The following PCDH15 variants were observed in gnomAD, a reference collection of about 807,000 sequenced individuals.
PCDH15 encodes protocadherin related 15, also known as protocadherin-15.
Under a neutral mutation model 178.5 loss-of-function variants are expected in PCDH15, and 129 were observed. That is an observed-to-expected ratio of 0.72 (90% confidence interval 0.63 to 0.84). The LOEUF is 0.84. Ranked by LOEUF, PCDH15 falls within the 40% of genes least tolerant of loss-of-function variation. The probability of loss-of-function intolerance (pLI) is 0.00; values close to 1 mark genes in which losing one functional copy is unlikely to be tolerated. For synonymous variants in PCDH15, 800 were observed against 732.0 expected, an observed-to-expected ratio of 1.09 and a Z score of -1.50; for missense variants, 2,230 against 2,099.9, an observed-to-expected ratio of 1.06 and a Z score of -1.21.
intron 1 of PCDH15, among the ~76,000 whole-genome samples, chr10:54,702,650 G>A (rs2095322092): frequency 6.6e-6 from 1 of 150,624 alleles, no homozygotes; most frequent in Non-Finnish European, 1.5e-5. Flanking sequence ...TTGCAAGATT[G>A]AACTAGGAAG....
chr10:54,246,571 TGTTA>T (rs2055949219), intron 8 of PCDH15, among the ~76,000 whole-genome samples: 1 of 151,934 alleles, frequency 6.6e-6, no homozygotes, highest in South Asian at 2.1e-4. Context: ...ATATTTTATA[TGTTA>T]GTTTTTTTTC....
At chr10:54,643,500 G>A (rs962341874) in intron 2 of PCDH15, among the ~76,000 whole-genome samples, 1 of 152,068 alleles carries the variant, frequency 6.6e-6, no homozygotes, top group Middle Eastern at 3.2e-3. Context: ...TATACATATA[G>A]TACTGTGAAA....
chr10:55,225,176 T>G (rs957823778), intron 1 of PCDH15, among the ~76,000 whole-genome samples: 2 of 152,042 alleles, frequency 1.3e-5, no homozygotes, highest in African/African-American at 4.8e-5. Flanking sequence ...GAAATAACAC[T>G]TAGTAACAAA....
At chr10:54,043,193 T>C (rs2093586232) in intron 18 of PCDH15, among the ~76,000 whole-genome samples, 2 of 152,086 alleles carry the variant, frequency 1.3e-5, no homozygotes, top group Admixed American at 1.3e-4. Context: ...CAGAGTTGAT[T>C]GGTTGCTAAA....
intron 2 of PCDH15, among the ~76,000 whole-genome samples, chr10:55,512,319 T>C (rs144052433): frequency 6.6e-5 from 10 of 152,252 alleles, no homozygotes; most frequent in African/African-American, 2.4e-4. Context: ...TCAGGATTAG[T>C]ATTTTCCAAA....
intron 27 of PCDH15, among the ~76,000 whole-genome samples, chr10:53,858,700 C>A (rs2078914791): frequency 6.6e-6 from 1 of 152,044 alleles, no homozygotes; most frequent in African/African-American, 2.4e-5. Context: ...AACCTTGTAC[C>A]CCTAACCCGT....
At chr10:54,040,401 C>T (rs1565097536) in intron 18 of PCDH15, among the ~76,000 whole-genome samples, 2 of 151,952 alleles carry the variant, frequency 1.3e-5, no homozygotes, top group Admixed American at 1.3e-4. Flanking sequence ...TTGCCTGCTG[C>T]CATGTAAGAC....
chr10:54,207,233 C>G (rs2134038181), intron 10 of PCDH15, among the ~76,000 whole-genome samples: 1 of 152,134 alleles, frequency 6.6e-6, no homozygotes, highest in African/African-American at 2.4e-5. Context: ...ACTTCCTTTC[C>G]TTTTATTAGC....
intron 15 of PCDH15, among the ~76,000 whole-genome samples, chr10:54,095,077 T>C (rs61858413): frequency 0.012 from 1,831 of 152,292 alleles, 22 homozygotes; most frequent in Non-Finnish European, 0.014. Context: ...CACAGGACAT[T>C]AAGACAAAGT....
chr10:54,217,103 AAG>A (rs1230973812), intron 9 of PCDH15, among the ~76,000 whole-genome samples: 2 of 152,182 alleles, frequency 1.3e-5, no homozygotes, highest in Non-Finnish European at 2.9e-5. Context: ...ACTTATGAGA[AAG>A]AGAGGGAACA....
At chr10:55,068,580 A>C (rs1564766398) in intron 2 of PCDH15, among the ~76,000 whole-genome samples, 1 of 151,888 alleles carries the variant, frequency 6.6e-6, no homozygotes, top group African/African-American at 2.4e-5. Flanking sequence ...TCTTCTGGAT[A>C]TTTTTTTGTT....
intron 3 of PCDH15, among the ~76,000 whole-genome samples, chr10:54,835,708 T>A (rs1384357061): frequency 6.6e-6 from 1 of 152,046 alleles, no homozygotes; most frequent in Non-Finnish European, 1.5e-5. Context: ...AAAAAACCAA[T>A]ATTACAGCAT....
At chr10:55,316,990 A>G (rs1843737821) in intron 1 of PCDH15, among the ~76,000 whole-genome samples, 1 of 152,160 alleles carries the variant, frequency 6.6e-6, no homozygotes, top group Non-Finnish European at 1.5e-5. Context: ...ATCTTTACCC[A>G]TATAAATCAG....
chr10:54,398,545 AAGG>A (rs1951532941), intron 3 of PCDH15, among the ~76,000 whole-genome samples: 1 of 152,030 alleles, frequency 6.6e-6, no homozygotes, highest in Non-Finnish European at 1.5e-5. Context: ...AATTTTAGAA[AAGG>A]TCAAGACCAC....
chr10:54,384,304 T>C (rs551750328), intron 3 of PCDH15, among the ~76,000 whole-genome samples: 4 of 132,632 alleles, frequency 3.0e-5, no homozygotes, highest in South Asian at 5.0e-4. Flanking sequence ...ATTAAATCTC[T>C]ACCAAGCTGA....
chr10:54,886,007 T>C (rs1252120093), intron 3 of PCDH15, among the ~76,000 whole-genome samples: 2 of 152,126 alleles, frequency 1.3e-5, no homozygotes, highest in Non-Finnish European at 2.9e-5. Flanking sequence ...ACACAATCTC[T>C]CTCACTGTTT....
intron 20 of PCDH15, among the ~76,000 whole-genome samples, chr10:54,002,940 C>T (rs192929009): frequency 5.9e-5 from 9 of 152,248 alleles, no homozygotes; most frequent in Non-Finnish European, 1.2e-4. Context: ...GCTTCCCTTT[C>T]GCTTTGTTCA....
At chr10:54,012,932 CACTG>C (rs2092634642) in intron 20 of PCDH15, among the ~76,000 whole-genome samples, 1 of 151,976 alleles carries the variant, frequency 6.6e-6, no homozygotes, top group South Asian at 2.1e-4. Flanking sequence ...TCAATATTAA[CACTG>C]AATGTAAATG....
At chr10:54,526,250 T>A (rs1289090831) in intron 3 of PCDH15, among the ~76,000 whole-genome samples, 1 of 152,206 alleles carries the variant, frequency 6.6e-6, no homozygotes, top group Non-Finnish European at 1.5e-5. Flanking sequence ...ATAAGCTCTA[T>A]CTATACAGAA....
Sources: gnomAD v4.1 joint callset for allele counts (sites outside exome capture counted in the v4.1 genomes callset) on GRCh38, gnomAD v4.1.1 for gene constraint, MANE v1.5 for transcripts, NCBI Gene and HGNC (gene_info 2026-07-23, HGNC 2026-07-21) for gene names.